GPCPD1: variants seen among roughly 807,000 people sequenced by gnomAD.
GPCPD1 encodes glycerophosphocholine phosphodiesterase GPCPD1.
GPCPD1 carries 29 observed loss-of-function variants against 89.2 expected under a neutral mutation model. The observed-to-expected ratio is 0.33, with a 90% CI of 0.24 to 0.44. The LOEUF (loss-of-function observed/expected upper bound fraction) is 0.44, where lower values mean the gene tolerates loss of function less well. Among genes scored for constraint, GPCPD1 ranks in the 20% least tolerant of loss-of-function variants. The probability of loss-of-function intolerance (pLI) is 1.00; values close to 1 mark genes in which losing one functional copy is unlikely to be tolerated. For synonymous variants in GPCPD1, 258 were observed against 266.3 expected (o/e 0.97, Z 0.30); for missense variants, 594 against 808.9 (o/e 0.73, Z 3.22).
chr20:5,604,445 G>T lies in GPCPD1; in HGVS notation c.-28-5C>A. Reference sequence around the variant, plus strand: ...GATTTATTTTATGATGTCGTGCTAGGAAAAAAAAGAAAAGTAACTTATAGT... The same window carrying T: ...GATTTATTTTATGATGTCGTGCTAGTAAAAAAAAGAAAAGTAACTTATAGT... On this transcript the variant is annotated splice_polypyrimidine_tract_variant and splice_region_variant and intron_variant, in intron 1 of 19. Transcript: ENST00000379019. 7.3e-7 allele frequency: 1 copy of T among 1,370,618 alleles called. No individual in the cohort carries two copies. Among genetic ancestry groups the T allele is most frequent in the Non-Finnish European group, 1.0e-6 (1 of 976,330 alleles). The allele number at this position is 1,370,618 out of a possible 1,614,324, so 84.9% of individuals were successfully genotyped here.
At chr20:5,582,669 A>C (rs1224409145) in intron 6 of GPCPD1, among the ~76,000 whole-genome samples, 1 of 152,132 alleles carries the variant, frequency 6.6e-6, no homozygotes, top group Non-Finnish European at 1.5e-5. Context: ...CAGGCAGATC[A>C]CTTGAGGTCA....
chr20:5,607,417 A>G (rs1349001218), intron 1 of GPCPD1, among the ~76,000 whole-genome samples: 1 of 151,886 alleles, frequency 6.6e-6, no homozygotes, highest in African/African-American at 2.4e-5. Flanking sequence ...ATCTCTACTA[A>G]AACTACAAAA....
In GPCPD1 at chr20:5,604,486, T is replaced by TTAGC. The variant is rs921349668; in HGVS notation, c.-28-50_-28-47dup. 9.6e-6 allele frequency: 8 copies of TTAGC among 833,076 alleles called. No homozygotes were observed. In the African/African-American group the frequency reaches 1.2e-4, roughly 13 times the overall value. The allele number at this position is 833,076 out of a possible 1,614,324, so 51.6% of individuals were successfully genotyped here. ...AACTTATAGTATAAAAATATATGCC[T>TTAGC]TAGCTAGCCACCATCAAGAAACAAC... On this transcript the variant is annotated intron_variant, in intron 1 of 19. Coordinates refer to ENST00000379019, the MANE Select transcript of GPCPD1 (RefSeq NM_019593.5).
chr20:5,550,191 CA>C lies in GPCPD1; in HGVS notation c.1830-2342del, dbSNP rs371826184. 1.8e-3 allele frequency among the ~76,000 whole-genome samples: 187 copies of C among 102,804 alleles called. 1 individual carries two copies. Among genetic ancestry groups the C allele is most frequent in the African/African-American group, 6.2e-3 (173 of 28,120 alleles). 67.4% of individuals were successfully genotyped at this position (102,804 alleles called of 152,430 possible). ...CCTGGATGATAGAGTGAGACTATCT[CA>C]AAAAAAAAACAAACAAAGCAAACAA... On this transcript the variant is annotated intron_variant, in intron 19 of 19. Transcript: ENST00000379019.
chr20:5,548,802 A>G lies in GPCPD1; in HGVS notation c.1830-952T>C, dbSNP rs192128555. On this transcript the variant is annotated intron_variant, in intron 19 of 19. Transcript: ENST00000379019. The stretch of plus-strand genomic sequence containing the variant: ...CAGGCCAGTGGTAGGAAACAAGAGC[A>G]GAGTTAAAAGCAGGAGCAGATCGAT... 1.8e-3 allele frequency: 776 copies of G among 436,602 alleles called. 17 individuals carry two copies. In the Admixed American group the frequency reaches 0.025, roughly 14 times the overall value. The allele number at this position is 436,602 out of a possible 1,614,324, so 27.0% of individuals were successfully genotyped here. A position where few individuals can be genotyped will look rare whatever the true frequency, so the allele number is the denominator to read the frequency against.
In GPCPD1 at chr20:5,551,742, G is replaced by C. The variant is rs61504436; in HGVS notation, c.1830-3892C>G. On this transcript the variant is annotated intron_variant, in intron 19 of 19. Transcript: ENST00000379019. ...GCCGAGACAGTGCCACTGCACTCCA[G>C]CCTGGGTGACAAAGACTCTGTCTCA... 9.7e-3 allele frequency among the ~76,000 whole-genome samples: 1,470 copies of C among 152,206 alleles called. 27 individuals carry two copies. The highest frequency in any genetic ancestry group is 0.033 in the African/African-American group (1,382 of 41,528).
At chr20:5,559,598 A>C (rs1485175681) in intron 17 of GPCPD1, among the ~76,000 whole-genome samples, 1 of 152,200 alleles carries the variant, frequency 6.6e-6, no homozygotes, top group African/African-American at 2.4e-5. Context: ...TTTTTTAATA[A>C]AAGATAAATA....
chr20:5,554,659 C>T (rs1985648775), intron 19 of GPCPD1, among the ~76,000 whole-genome samples: 1 of 152,212 alleles, frequency 6.6e-6, no homozygotes, highest in South Asian at 2.1e-4. Context: ...CACCCAAGAA[C>T]TCTAACAGAG....
intron 6 of GPCPD1, among the ~76,000 whole-genome samples, chr20:5,581,910 C>T (rs1366861525): frequency 6.6e-5 from 9 of 136,582 alleles, no homozygotes; most frequent in Admixed American, 4.0e-4. Flanking sequence ...CCAGGCCGGG[C>T]GCGGTGGCTC....
At position 5,559,983 on chromosome 20, in the gene GPCPD1, T is replaced by C; in HGVS notation, c.1489A>G (p.Arg497Gly). The C allele has an allele frequency of 6.4e-7, 1 of 1,567,026 alleles. No homozygotes were observed. The highest frequency in any genetic ancestry group is 1.2e-5 in the South Asian group (1 of 86,804). The change falls in exon 17 of 20, where the codon AGG (arginine) becomes GGG (glycine). Residue 497 changes from arginine to glycine, a missense_variant. Transcript: ENST00000379019. ...LKTVLENSGKRRIVFSSFDAD... is the reference protein window; with the variant it reads ...LKTVLENSGKGRIVFSSFDAD... ...TCAAATGAAGAAAACACTATTCTCC[T>C]CTTCCCAGAATTTTCTAAAACAGTT...
chr20:5,603,728 T>C (rs1980342495), intron 2 of GPCPD1, among the ~76,000 whole-genome samples: 1 of 151,806 alleles, frequency 6.6e-6, no homozygotes, highest in Non-Finnish European at 1.5e-5. Context: ...TCCCAGCCAA[T>C]TGTTTCACCA....
rs1984980756 is a variant in GPCPD1, at chr20:5,545,328, C to T, written c.*2333G>A. 1 of 152,140 alleles carries T rather than the reference C, an allele frequency of 6.6e-6. No homozygotes were observed. Among genetic ancestry groups the T allele is most frequent in the African/African-American group, 2.4e-5 (1 of 41,404 alleles). The allele number at this position is 152,140 out of a possible 1,614,324, so 9.4% of individuals were successfully genotyped here. ...AAAATGACTATGACAAGGTCCCTGCCCTTGAAGAGCCTGCAGCCTGGCAGA... is the reference window on the plus strand; with the variant it reads ...AAAATGACTATGACAAGGTCCCTGCTCTTGAAGAGCCTGCAGCCTGGCAGA... On this transcript the variant is annotated 3_prime_UTR_variant, in exon 20 of 20. Transcript: ENST00000379019.
intron 14 of GPCPD1, among the ~76,000 whole-genome samples, chr20:5,566,049 G>A (rs1301118587): frequency 1.3e-5 from 2 of 151,958 alleles, no homozygotes; most frequent in Admixed American, 6.6e-5. Context: ...ATATAGTTAC[G>A]TTTATGCTCT....
rs2122544453 is a variant in GPCPD1 at position 5,553,893 on chromosome 20, T to C, written c.1829+4052A>G. The stretch of plus-strand genomic sequence containing the variant: ...TGCAAAGTTAAGTATCAAGTGCTGA[T>C]GGAGAAGCTGCAGTTAAGGTATCCA... On this transcript the variant is annotated intron_variant, in intron 19 of 19. Coordinates refer to ENST00000379019, the MANE Select transcript of GPCPD1 (RefSeq NM_019593.5). Among the ~76,000 whole-genome samples the C allele has an allele frequency of 1.4e-5, 2 of 140,994 alleles. 1 individual carries two copies. The highest frequency in any genetic ancestry group is 3.1e-5 in the Non-Finnish European group (2 of 64,910). 92.5% of individuals were successfully genotyped at this position (140,994 alleles called of 152,430 possible). A position where few individuals can be genotyped will look rare whatever the true frequency, so the allele number is the denominator to read the frequency against.
chr20:5,557,191 C>A (rs73076097), intron 19 of GPCPD1, among the ~76,000 whole-genome samples: 14,185 of 152,164 alleles, frequency 0.093, 1,099 homozygotes, highest in African/African-American at 0.21. Flanking sequence ...TTAGGTGACA[C>A]AGAAAACTGT....
rs2122744348 is a variant in GPCPD1, at chr20:5,591,057, A to G, written c.231+2270T>C. Among the ~76,000 whole-genome samples, 2 of 152,354 alleles carry G rather than the reference A, an allele frequency of 1.3e-5. 1 individual carries two copies. The highest frequency in any genetic ancestry group is 4.1e-4 in the South Asian group (2 of 4,832). On this transcript the variant is annotated intron_variant, in intron 4 of 19. Coordinates refer to ENST00000379019, the MANE Select transcript of GPCPD1 (RefSeq NM_019593.5). ...GAAATTACATGTTAATTCAGAAAGT[A>G]TCTTTGGTGAAGATGTGACATCAGT...
At chr20:5,572,298 A>C (rs1986768464) in intron 11 of GPCPD1, among the ~76,000 whole-genome samples, 1 of 152,202 alleles carries the variant, frequency 6.6e-6, no homozygotes, top group South Asian at 2.1e-4. Flanking sequence ...TAATAATATT[A>C]ATAAATATCA....
At chr20:5,607,527 G>A (rs6107659) in intron 1 of GPCPD1, among the ~76,000 whole-genome samples, 32,186 of 148,160 alleles carry the variant, frequency 0.22, 4,680 homozygotes, top group African/African-American at 0.43. Flanking sequence ...GTGGTAAGCC[G>A]AGATCATGCC....
In GPCPD1 at chr20:5,551,925, T is replaced by A. The variant is rs1801814221; in HGVS notation, c.1830-4075A>T. Among the ~76,000 whole-genome samples the A allele has an allele frequency of 2.6e-5, 4 of 152,088 alleles. No homozygotes were observed. The South Asian group carries it at 8.3e-4, about 31-fold the overall frequency. ...CTCCAATCCAAAATGCCTCAAAGGCTCCAAGTCACTAATCATTCAAAACCT... is the reference window on the plus strand; with the variant it reads ...CTCCAATCCAAAATGCCTCAAAGGCACCAAGTCACTAATCATTCAAAACCT... On this transcript the variant is annotated intron_variant, in intron 19 of 19. Transcript: ENST00000379019.
Sources: allele counts gnomAD v4.1 joint callset (sites outside exome capture counted in the v4.1 genomes callset), GRCh38; gene constraint gnomAD v4.1.1; transcripts MANE v1.5; gene names NCBI Gene and HGNC (gene_info 2026-07-23, HGNC 2026-07-21).